The following GALNT13 variants were observed in gnomAD, a reference collection of about 807,000 sequenced individuals.
GALNT13 encodes the protein polypeptide N-acetylgalactosaminyltransferase 13.
A neutral mutation model predicts 64.2 loss-of-function variants in GALNT13; 28 were observed. The observed-to-expected ratio is 0.44, with a 90% CI of 0.32 to 0.60. GALNT13 has a LOEUF of 0.60. GALNT13 is among the 20% of genes least tolerant of loss of function. The probability of loss-of-function intolerance (pLI) is 0.05; values close to 1 mark genes in which losing one functional copy is unlikely to be tolerated. For synonymous variants in GALNT13, 214 were observed against 224.6 expected (o/e 0.95, Z 0.42); for missense variants, 577 against 669.8 (o/e 0.86, Z 1.53).
At chr2:153,642,429 ATAAAAATAGTAGGATGCAGCTATTT>A in the GALNT13 span, among the ~76,000 whole-genome samples, 1 of 151,914 alleles carries the variant, frequency 6.6e-6, no homozygotes, top group Non-Finnish European at 1.5e-5. Flanking sequence ...GACAAATACT[ATAAAAATAGTAGGATGCAGCTATTT>A]TAATCAGACA....
the GALNT13 span, among the ~76,000 whole-genome samples, chr2:153,096,403 G>A: frequency 8.5e-5 from 13 of 152,230 alleles, 1 homozygote; most frequent in Admixed American, 3.9e-4. Flanking sequence ...TAATGCAGAT[G>A]AGCCCTGATA....
chr2:153,075,899 T>A, the GALNT13 span, among the ~76,000 whole-genome samples: 8 of 152,304 alleles, frequency 5.3e-5, no homozygotes, highest in African/African-American at 1.9e-4. Flanking sequence ...CTTGCTTTTT[T>A]TTAACTATAA....
intron 1 of GALNT13, among the ~76,000 whole-genome samples, chr2:153,872,874 TG>T (rs1686078306): frequency 6.6e-6 from 1 of 152,152 alleles, no homozygotes; most frequent in Non-Finnish European, 1.5e-5. Context: ...TCTCGCCGTG[TG>T]TGTCTCTGCC....
At chr2:153,794,513 G>T in the GALNT13 span, among the ~76,000 whole-genome samples, 1 of 148,564 alleles carries the variant, frequency 6.7e-6, no homozygotes, top group African/African-American at 2.5e-5. Flanking sequence ...GTGTTTGGTC[G>T]ATTAGAATAA....
At chr2:154,089,640 G>T (rs991099332) in intron 3 of GALNT13, among the ~76,000 whole-genome samples, 1 of 151,964 alleles carries the variant, frequency 6.6e-6, no homozygotes, top group East Asian at 1.9e-4. Flanking sequence ...ATTGTTCTTG[G>T]CTGCACCCAT....
Position 153,894,043 on chromosome 2 carries a change from A to G in GALNT13, c.-176-6893A>G, listed in dbSNP as rs542190989. On this transcript the variant is annotated intron_variant, in intron 1 of 12. Transcript: ENST00000392825. ...AGTGTTCCAGTTTTCATCCCAGAAGACAGAAGAGCCAATATTTTCTCCTGT... is the reference window on the plus strand; with the variant it reads ...AGTGTTCCAGTTTTCATCCCAGAAGGCAGAAGAGCCAATATTTTCTCCTGT... Among the ~76,000 whole-genome samples, 4 of 152,218 alleles carry G rather than the reference A, an allele frequency of 2.6e-5. No individual in the cohort carries two copies. The East Asian group carries it at 7.7e-4, about 29-fold the overall frequency.
At chr2:154,184,202 A>G (rs925723907) in intron 4 of GALNT13, among the ~76,000 whole-genome samples, 1 of 152,108 alleles carries the variant, frequency 6.6e-6, no homozygotes, top group Admixed American at 6.5e-5. Flanking sequence ...GTTTTGACCT[A>G]TAATCTATTT....
the GALNT13 span, among the ~76,000 whole-genome samples, chr2:153,552,397 G>A: frequency 1.3e-5 from 2 of 152,114 alleles, no homozygotes; most frequent in African/African-American, 4.8e-5. Context: ...TTGCAAGGAC[G>A]ATGTTCTTGA....
At chr2:154,445,190 C>T (rs1383906473) in intron 12 of GALNT13, among the ~76,000 whole-genome samples, 2 of 151,702 alleles carry the variant, frequency 1.3e-5, no homozygotes, top group African/African-American at 4.8e-5. Context: ...TGGAATGAAA[C>T]TTCTTTGACT....
the GALNT13 span, among the ~76,000 whole-genome samples, chr2:153,316,734 C>A: frequency 1.3e-5 from 2 of 151,488 alleles, no homozygotes; most frequent in East Asian, 3.9e-4. Context: ...CAAATACTTA[C>A]CTGTAGGAGA....
the GALNT13 span, among the ~76,000 whole-genome samples, chr2:153,277,856 T>G: frequency 6.6e-6 from 1 of 151,504 alleles, no homozygotes; most frequent in Non-Finnish European, 1.5e-5. Context: ...TTGCCCATTT[T>G]TAAATGCAGT....
the GALNT13 span, among the ~76,000 whole-genome samples, chr2:153,271,039 T>C: frequency 2.6e-5 from 4 of 152,084 alleles, no homozygotes; most frequent in African/African-American, 7.2e-5. Flanking sequence ...TCAATAGATG[T>C]AGAAAAGGCC....
At chr2:153,734,025 AC>A in the GALNT13 span, among the ~76,000 whole-genome samples, 1 of 152,114 alleles carries the variant, frequency 6.6e-6, no homozygotes. Flanking sequence ...AAACATTGGT[AC>A]AGTTCAGGAC....
chr2:153,498,387 G>C, the GALNT13 span, among the ~76,000 whole-genome samples: 9 of 152,318 alleles, frequency 5.9e-5, no homozygotes, highest in African/African-American at 2.2e-4. Context: ...GCTGTGCTTG[G>C]CTAACGCTAT....
chr2:153,270,626 C>T, the GALNT13 span, among the ~76,000 whole-genome samples: 5 of 152,034 alleles, frequency 3.3e-5, no homozygotes, highest in Admixed American at 6.6e-5. Flanking sequence ...TATGTGAGGC[C>T]GAGGTGGGCA....
At chr2:153,368,271 A>G in the GALNT13 span, among the ~76,000 whole-genome samples, 56 of 152,222 alleles carry the variant, frequency 3.7e-4, no homozygotes, top group African/African-American at 1.3e-3. Flanking sequence ...TGAAATCTTC[A>G]TGATGGGATT....
chr2:153,708,106 C>T, the GALNT13 span, among the ~76,000 whole-genome samples: 4 of 151,966 alleles, frequency 2.6e-5, no homozygotes, highest in African/African-American at 7.2e-5. Context: ...CTTTTATTTC[C>T]GTCACCAATT....
chr2:153,556,581 C>T, the GALNT13 span, among the ~76,000 whole-genome samples: 4 of 152,198 alleles, frequency 2.6e-5, no homozygotes, highest in East Asian at 1.9e-4. Context: ...TGAAATTGTT[C>T]GACTATCCTA....
chr2:154,101,564 T>C (rs1019760266), intron 3 of GALNT13, among the ~76,000 whole-genome samples: 2 of 152,064 alleles, frequency 1.3e-5, no homozygotes, highest in African/African-American at 4.8e-5. Flanking sequence ...TTAATCTAGC[T>C]TGTAGTCTAT....
Sources: allele counts gnomAD v4.1 joint callset (sites outside exome capture counted in the v4.1 genomes callset), GRCh38; gene constraint gnomAD v4.1.1; transcripts MANE v1.5; gene names NCBI Gene and HGNC (gene_info 2026-07-23, HGNC 2026-07-21).